Variants in LRCH3 observed in about 807,000 individuals in gnomAD.
LRCH3 encodes the protein leucine rich repeats and calponin homology domain containing 3.
Under a neutral mutation model 104.5 loss-of-function variants are expected in LRCH3, and 68 were observed. The ratio of observed to expected loss-of-function variants is 0.65; its 90% CI spans 0.54 to 0.80. The LOEUF is 0.80. Ranked by LOEUF, LRCH3 falls within the 30% of genes least tolerant of loss-of-function variation. The pLI, the probability that LRCH3 is intolerant of heterozygous loss-of-function variation, is 0.00. For missense variants in LRCH3, 951 were observed against 953.9 expected (o/e 1.00, Z 0.04); for synonymous variants, 344 against 361.3 (o/e 0.95, Z 0.54).
At chr3:197,809,079 C>G (rs1253712102) in intron 1 of LRCH3, among the ~76,000 whole-genome samples, 1 of 151,996 alleles carries the variant, frequency 6.6e-6, no homozygotes, top group African/African-American at 2.4e-5. Flanking sequence ...AGGAGGATCA[C>G]TTGAGGTCAG....
chr3:197,878,724 T>G (rs921926056), intron 20 of LRCH3, among the ~76,000 whole-genome samples: 2 of 152,102 alleles, frequency 1.3e-5, no homozygotes, highest in African/African-American at 4.8e-5. Context: ...ACGCACAAAC[T>G]CGTAGGTTCA....
intron 20 of LRCH3, chr3:197,881,553 A>G (rs552283180): frequency 3.0e-6 from 3 of 983,868 alleles, no homozygotes; most frequent in East Asian, 1.1e-4. Context: ...CCTTCTTAAT[A>G]GTGAAACAGT....
chr3:197,835,497 T>TAAAAAAAAAAAA (rs79382131), intron 8 of LRCH3, among the ~76,000 whole-genome samples, 177 bp from the exon 9 acceptor site: 1 of 135,100 alleles, frequency 7.4e-6, no homozygotes. Context: ...ATAAAATGGG[T>TAAAAAAAAAAAA]AAAAAAAAAA....
At chr3:197,876,827 C>T (rs904795094) in intron 20 of LRCH3, among the ~76,000 whole-genome samples, 1 of 138,488 alleles carries the variant, frequency 7.2e-6, no homozygotes, top group Non-Finnish European at 1.6e-5. Flanking sequence ...CTTTACCCAA[C>T]TCACCGCACC....
intron 1 of LRCH3, among the ~76,000 whole-genome samples, chr3:197,812,069 G>A (rs1325675797): frequency 6.6e-6 from 1 of 152,068 alleles, no homozygotes; most frequent in African/African-American, 2.4e-5. Flanking sequence ...CATCTGTTCA[G>A]TGGTATTAAG....
Position 197,853,314 on chromosome 3 carries a change from C to T in LRCH3, c.1590+694C>T, listed in dbSNP as rs139668078. Among the ~76,000 whole-genome samples, 684 of 152,138 alleles carry T rather than the reference C, an allele frequency of 4.5e-3. 3 individuals carry two copies. Among genetic ancestry groups the T allele is most frequent in the African/African-American group, 0.013 (538 of 41,494 alleles). On this transcript the variant is annotated intron_variant, in intron 13 of 20. Coordinates refer to ENST00000425562, the MANE Select transcript of LRCH3 (RefSeq NM_001365715.1). ...AACTGATTCTTCTGCCTCAGCCTCC[C>T]GAGTAGCTGGGACTACAGGTGTGCA...
At position 197,879,594 on chromosome 3, in the gene LRCH3, C is replaced by A. The variant is rs73089373; in HGVS notation, c.2208+3819C>A. 1.2e-3 allele frequency among the ~76,000 whole-genome samples: 179 copies of A among 149,526 alleles called. 1 individual carries two copies. Among genetic ancestry groups the A allele is most frequent in the Admixed American group, 3.5e-3 (53 of 15,096 alleles). ...CCGGGAGGCGGAGCTTGCAGTGAGC[C>A]GAGATCAGCGAGACTCCGTCTCAAA... On this transcript the variant is annotated intron_variant, in intron 20 of 20. Transcript: ENST00000425562.
rs755983919 is a variant in LRCH3 at position 197,883,651 on chromosome 3, G to T, written c.2319G>T (p.Gln773His). Residue 773 changes from glutamine to histidine, a missense_variant, in exon 21 of 21, where the codon CAG becomes CAT. Gln to His is a conservative substitution (Grantham distance 24, BLOSUM62 0). Transcript: ENST00000425562. The surrounding 1 kb of genome is among the most constrained non-coding windows in gnomAD (Gnocchi z 4.2). ...ELAPPKQQQH[Q>H]LSAV ...CCCCACCCAAGCAACAGCAGCACCA[G>T]TTATCTGCTGTTTGAGGATCCCCAG... The T allele has an allele frequency of 4.6e-5, 71 of 1,535,978 alleles. No individual in the cohort carries two copies. Among genetic ancestry groups the T allele is most frequent in the Non-Finnish European group, 6.2e-5 (71 of 1,146,900 alleles).
At chr3:197,830,514 C>G (rs543775554) in intron 6 of LRCH3, among the ~76,000 whole-genome samples, 1 of 152,168 alleles carries the variant, frequency 6.6e-6, no homozygotes, top group Non-Finnish European at 1.5e-5. Flanking sequence ...CTAGTAAACT[C>G]GCCTCATTGG....
intron 12 of LRCH3, chr3:197,848,618 T>C (rs910623560): frequency 3.9e-5 from 6 of 152,712 alleles, no homozygotes; most frequent in African/African-American, 1.4e-4. Context: ...TTTTGTTTAC[T>C]TAATATCTGT....
Position 197,887,808 on chromosome 3 carries a change from C to T in LRCH3, c.*4142C>T, listed in dbSNP as rs962885423. The T allele has an allele frequency of 1.3e-5, 2 of 154,990 alleles. No homozygotes were observed. The highest frequency in any genetic ancestry group is 3.9e-4 in the East Asian group (2 of 5,182). The allele number at this position is 154,990 out of a possible 1,614,324, so 9.6% of individuals were successfully genotyped here. Reference sequence around the variant, plus strand: ...GCTGAGAGCCCCCCCTAGCAGAGCCCTTCCCATCACTGACAGTGTCGGGTT... The same window carrying T: ...GCTGAGAGCCCCCCCTAGCAGAGCCTTTCCCATCACTGACAGTGTCGGGTT... On this transcript the variant is annotated 3_prime_UTR_variant, in exon 21 of 21. Coordinates refer to ENST00000425562, the MANE Select transcript of LRCH3 (RefSeq NM_001365715.1).
chr3:197,825,581 G>A (rs492094), intron 4 of LRCH3, among the ~76,000 whole-genome samples: 4 of 133,854 alleles, frequency 3.0e-5, no homozygotes, highest in Admixed American at 1.7e-4. Flanking sequence ...CCGGGTTCAC[G>A]CCATTCTCCT....
chr3:197,831,038 G>A (rs926645877), intron 7 of LRCH3, 175 bp downstream of exon 7: 12 of 527,330 alleles, frequency 2.3e-5, no homozygotes, highest in Admixed American at 1.7e-4. Context: ...CGTCCTTACC[G>A]GCTTTCTGTC....
In LRCH3 at chr3:197,887,249, T is replaced by C. The variant is rs9883425; in HGVS notation, c.*3583T>C. Reference sequence around the variant, plus strand: ...GGAAAGCACAATTCGGTTTAACATTTAGCTTTGCTTGACTCCAGTGTAAGA... The same window carrying C: ...GGAAAGCACAATTCGGTTTAACATTCAGCTTTGCTTGACTCCAGTGTAAGA... On this transcript the variant is annotated 3_prime_UTR_variant, in exon 21 of 21. Coordinates refer to ENST00000425562, the MANE Select transcript of LRCH3 (RefSeq NM_001365715.1). 9,109 of 152,342 alleles carry C rather than the reference T, an allele frequency of 0.06. 615 individuals are homozygous for C. The highest frequency in any genetic ancestry group is 0.16 in the African/African-American group (6,745 of 41,512). The allele number at this position is 152,342 out of a possible 1,614,324, so 9.4% of individuals were successfully genotyped here. A position where few individuals can be genotyped will look rare whatever the true frequency, so the allele number is the denominator to read the frequency against.
intron 4 of LRCH3, among the ~76,000 whole-genome samples, chr3:197,825,248 T>G (rs1450829371): frequency 1.3e-5 from 2 of 152,202 alleles, no homozygotes; most frequent in East Asian, 1.9e-4. Flanking sequence ...CTCTGAAATT[T>G]TATGTTAATG....
chr3:197,824,154 T>C (rs1734823653), intron 4 of LRCH3, among the ~76,000 whole-genome samples: 1 of 151,346 alleles, frequency 6.6e-6, no homozygotes, highest in Non-Finnish European at 1.5e-5. Context: ...AGCCTCCGCC[T>C]CTCGGGTTCA....
At chr3:197,829,742 AT>A in intron 6 of LRCH3, 69 bp downstream of exon 6, 1 of 1,060,802 alleles carries the variant, frequency 9.4e-7, no homozygotes, top group Non-Finnish European at 1.4e-6. Context: ...GGATACTTAA[AT>A]TTGCCTGAAT....
chr3:197,805,777 G>A (rs1018758201), intron 1 of LRCH3, among the ~76,000 whole-genome samples: 1 of 152,062 alleles, frequency 6.6e-6, no homozygotes, highest in African/African-American at 2.4e-5. Context: ...GGAGTTTTTG[G>A]AGAAAATCTA....
At chr3:197,804,127 C>T (rs941024278) in intron 1 of LRCH3, among the ~76,000 whole-genome samples, 1 of 151,934 alleles carries the variant, frequency 6.6e-6, no homozygotes, top group Non-Finnish European at 1.5e-5. Flanking sequence ...GGCGTGGTGG[C>T]GTGCACCTCT....
Sources: gnomAD v4.1 joint callset for allele counts (sites outside exome capture counted in the v4.1 genomes callset) on GRCh38, gnomAD v4.1.1 for gene constraint, Gnocchi (gnomAD v3.1) non-coding constraint, MANE v1.5 for transcripts, NCBI Gene and HGNC (gene_info 2026-07-23, HGNC 2026-07-21) for gene names.